HMCN2: variants seen among roughly 807,000 people sequenced by gnomAD.
The protein encoded by HMCN2 is hemicentin 2.
HMCN2 carries 325 observed loss-of-function variants against 377.5 expected under a neutral mutation model. The ratio of observed to expected loss-of-function variants is 0.86; its 90% CI spans 0.79 to 0.94. HMCN2 has a LOEUF of 0.94. HMCN2 is among the 40% of genes least tolerant of loss of function. The pLI is 0.00. For missense variants in HMCN2, 4,543 were observed against 4,725.3 expected (o/e 0.96, Z 1.13); for synonymous variants, 2,007 against 2,046.8 (o/e 0.98, Z 0.53).
At chr9:130,405,630 G>A (rs1312658081) in intron 81 of HMCN2, among the ~76,000 whole-genome samples, 2 of 152,196 alleles carry the variant, frequency 1.3e-5, no homozygotes, top group African/African-American at 4.8e-5. Context: ...CCCCTGTTGG[G>A]CCCTCTATCA....
In HMCN2 at chr9:130,394,028, G is replaced by A. The variant is rs371431243; in HGVS notation, c.10501+20G>A. The A allele has an allele frequency of 9.6e-5, 117 of 1,217,056 alleles. No individual in the cohort carries two copies. In the African/African-American group the frequency reaches 1.6e-3, roughly 17 times the overall value. The allele number at this position is 1,217,056 out of a possible 1,614,324, so 75.4% of individuals were successfully genotyped here. A position where few individuals can be genotyped will look rare whatever the true frequency, so the allele number is the denominator to read the frequency against. ...TCATGGGTGGGTCCTCTGGCCTCTG[G>A]CCAGCTTCTCTGGGCTCGGGGGAGA... On this transcript the variant is annotated intron_variant, in intron 68 of 97. Coordinates refer to ENST00000683500, the MANE Select transcript of HMCN2 (RefSeq NM_001291815.2). The surrounding 1 kb of genome is among the most constrained non-coding windows in gnomAD (Gnocchi z 5.1).
Position 130,425,072 on chromosome 9 carries a change from A to T in HMCN2, c.13583A>T (p.Asp4528Val). 1 of 1,550,056 alleles carries T rather than the reference A, an allele frequency of 6.5e-7. No homozygotes were observed. Among genetic ancestry groups the T allele is most frequent in the Non-Finnish European group, 8.7e-7 (1 of 1,146,854 alleles). Residue 4528 changes from aspartate (D) to valine (V), a missense_variant, in exon 89 of 98, where the codon GAC (aspartate) becomes GTC (valine). Around this residue, in one of 5 missense-constraint regions of HMCN2, gnomAD observed 1,155 missense variants for 1,157.7 expected, o/e 1.00. Coordinates refer to ENST00000683500, the MANE Select transcript of HMCN2 (RefSeq NM_001291815.2). ...GATCCCGATGGCCTCCTGCTCCTCG[A>T]CGTGGTGGTCAATGGCGTTGTCCCC... ...GLDPDGLLLL[D>V]VVVNGVVPES...
At chr9:130,366,271 C>T (rs79159015) in intron 43 of HMCN2, among the ~76,000 whole-genome samples, 2,117 of 152,158 alleles carry the variant, frequency 0.014, 57 homozygotes, top group African/African-American at 0.049. Context: ...GAAGCCCTCC[C>T]TGACTGCCAG....
intron 89 of HMCN2, 96 bp from the exon 90 acceptor site, chr9:130,425,591 T>C (rs1299096655): frequency 4.4e-6 from 4 of 906,510 alleles, no homozygotes; most frequent in Non-Finnish European, 6.9e-6. Context: ...TGCTTGGGAG[T>C]TGAAATCTCA....
rs1840605325 is a variant in HMCN2, at chr9:130,364,834, G to A, written c.6353G>A (p.Arg2118Gln). 3 of 986,026 alleles carry A rather than the reference G, an allele frequency of 3.0e-6. No homozygotes were observed. The highest frequency in any genetic ancestry group is 1.7e-5 in the African/African-American group (1 of 57,368). The allele number at this position is 986,026 out of a possible 1,614,324, so 61.1% of individuals were successfully genotyped here. The change falls in exon 41 of 98, where the codon CGG becomes CAG. Residue 2118 changes from arginine (R) to glutamine (Q), a missense_variant. Coordinates refer to ENST00000683500, the MANE Select transcript of HMCN2 (RefSeq NM_001291815.2). ...GTGCTGAGCTGGTGGAAGGACGGGC[G>A]GCCCCTGGAACCACGGCCTGGAGTC... ...PPVLSWWKDG[R>Q]PLEPRPGVHL...
At chr9:130,342,786 G>A (rs1839128290) in intron 25 of HMCN2, among the ~76,000 whole-genome samples, 1 of 152,120 alleles carries the variant, frequency 6.6e-6, no homozygotes, top group South Asian at 2.1e-4. Context: ...GTCCTTGTGG[G>A]TTGGGGCTTC....
Position 130,375,997 on chromosome 9 carries a change from G to C in HMCN2, c.7918+8G>C, listed in dbSNP as rs1045494352. On this transcript the variant is annotated splice_region_variant and intron_variant, in intron 51 of 97. Transcript: ENST00000683500. ...ACCATGTGGAAGTGCTCAGTGAGTC[G>C]GGGACCCTGGGGCACAGCCGGGTGG... 4 of 982,510 alleles carry C rather than the reference G, an allele frequency of 4.1e-6. No homozygotes were observed. The Admixed American group carries it at 2.5e-4, about 60-fold the overall frequency. The allele number at this position is 982,510 out of a possible 1,614,324, so 60.9% of individuals were successfully genotyped here.
chr9:130,425,165 T>C (rs890784455), intron 89 of HMCN2, 35 bp downstream of exon 89: 111 of 1,504,260 alleles, frequency 7.4e-5, no homozygotes, highest in Non-Finnish European at 9.5e-5. Context: ...GCAGACAGGG[T>C]AGGTGAGAGA....
chr9:130,382,644 T>G, intron 55 of HMCN2, 35 bp from the exon 56 acceptor site: 17 of 653,936 alleles, frequency 2.6e-5, no homozygotes, highest in Non-Finnish European at 3.2e-5. Context: ...CAGGGACCTG[T>G]GCCAGCCCCT....
rs1156233591 is a variant in HMCN2, at chr9:130,364,889, G to A, written c.6408G>A (p.Gln2136=). ...TCTCCGCAGACAAAGCCTTGCTGCA[G>A]GTGTGCAGGCCCCTGGCCAGCCAAG... is the stretch of plus-strand genomic sequence containing the variant. The part of the protein sequence containing the change: ...VHLSADKALL[Q]VDRADVWDAG... Residue 2136 remains glutamine, a splice_region_variant and synonymous_variant, in exon 41 of 98, where the codon CAG becomes CAA. Transcript: ENST00000683500. 11 of 985,762 alleles carry A rather than the reference G, an allele frequency of 1.1e-5. No homozygotes were observed. Among genetic ancestry groups the A allele is most frequent in the African/African-American group, 1.7e-5 (1 of 57,252 alleles). 61.1% of individuals were successfully genotyped at this position (985,762 alleles called of 1,614,324 possible). A position where few individuals can be genotyped will look rare whatever the true frequency, so the allele number is the denominator to read the frequency against.
At position 130,308,580 on chromosome 9, in the gene HMCN2, GAGAA is replaced by G. The variant is rs1470365413; in HGVS notation, c.2200+1017_2200+1020del. Among the ~76,000 whole-genome samples, 2 of 152,170 alleles carry G rather than the reference GAGAA, an allele frequency of 1.3e-5. No homozygotes were observed. Among genetic ancestry groups the G allele is most frequent in the African/African-American group, 4.8e-5 (2 of 41,434 alleles). ...CTCATCAGAGCCTCACCCTGACTCT[GAGAA>G]AGGCAGGGCAGGTGATATTAGCTCA... is the stretch of plus-strand genomic sequence containing the variant. On this transcript the variant is annotated intron_variant, in intron 14 of 97. Coordinates refer to ENST00000683500, the MANE Select transcript of HMCN2 (RefSeq NM_001291815.2). This position sits in a 1 kb window ranked among gnomAD's most constrained non-coding sequence, Gnocchi z 4.1.
rs1281467103 is a variant in HMCN2 at position 130,353,138 on chromosome 9, C to T, written c.4797C>T (p.Gly1599=). 10 of 1,303,998 alleles carry T rather than the reference C, an allele frequency of 7.7e-6. No homozygotes were observed. The highest frequency in any genetic ancestry group is 6.9e-5 in the Admixed American group (3 of 43,534). 80.8% of individuals were successfully genotyped at this position (1,303,998 alleles called of 1,614,324 possible). A position where few individuals can be genotyped will look rare whatever the true frequency, so the allele number is the denominator to read the frequency against. ...GGAGGGCCCAGAGCTCCGATGCCGG[C>T]GTCTACACCTGCAAGGCCAGCAATG... ...QLGRAQSSDA[G]VYTCKASNAV... The change falls in exon 31 of 98, where the codon GGC becomes GGT. Residue 1599 remains glycine, a synonymous_variant. Coordinates refer to ENST00000683500, the MANE Select transcript of HMCN2 (RefSeq NM_001291815.2).
chr9:130,322,508 A>G (rs1410445471), intron 19 of HMCN2, among the ~76,000 whole-genome samples: 3 of 152,082 alleles, frequency 2.0e-5, no homozygotes, highest in Non-Finnish European at 4.4e-5. Flanking sequence ...TTTTCTGTCA[A>G]TTAAGATTCA....
intron 85 of HMCN2, among the ~76,000 whole-genome samples, chr9:130,417,350 C>T (rs993727053): frequency 7.3e-5 from 11 of 151,608 alleles, no homozygotes; most frequent in African/African-American, 2.4e-4. Flanking sequence ...GGCAAAACCC[C>T]GTCTCTACCA....
At position 130,433,706 on chromosome 9, in the gene HMCN2, A is replaced by G; in HGVS notation, c.*13A>G. ...CTACCCCTACTAAACGGGAGAGGGC[A>G]TTGGCGGCCGCCCTGGCGTGACCCC... On this transcript the variant is annotated 3_prime_UTR_variant, in exon 98 of 98. Coordinates refer to ENST00000683500, the MANE Select transcript of HMCN2 (RefSeq NM_001291815.2). 2 of 1,453,564 alleles carry G rather than the reference A, an allele frequency of 1.4e-6. No individual in the cohort carries two copies. The highest frequency in any genetic ancestry group is 9.0e-7 in the Non-Finnish European group (1 of 1,105,152). The allele number at this position is 1,453,564 out of a possible 1,614,324, so 90.0% of individuals were successfully genotyped here.
intron 11 of HMCN2, 67 bp from the exon 12 acceptor site, chr9:130,306,062 G>A (rs1008491053): frequency 1.3e-5 from 6 of 454,366 alleles, no homozygotes; most frequent in East Asian, 1.4e-4. Context: ...AGCCCGGGGC[G>A]GGGTGCCTGG....
chr9:130,408,754 C>T lies in HMCN2; in HGVS notation c.12700C>T (p.Leu4234=), dbSNP rs1232256499. The T allele has an allele frequency of 3.1e-5, 40 of 1,288,976 alleles. No homozygotes were observed. The highest frequency in any genetic ancestry group is 3.8e-5 in the Non-Finnish European group (38 of 988,434). 79.8% of individuals were successfully genotyped at this position (1,288,976 alleles called of 1,614,324 possible). A position where few individuals can be genotyped will look rare whatever the true frequency, so the allele number is the denominator to read the frequency against. The change falls in exon 84 of 98, where the codon CTA becomes TTA. Residue 4234 remains leucine (L), a synonymous_variant. Transcript: ENST00000683500. ...GTCACCCCATGCAGAGGCTCCTGTC[C>T]TACAAGGGGAGGCTTTCTCCTACCT... ...SFVHVKEAPV[L]QGEAFSYLVE...
rs1040906924 is a variant in HMCN2, at chr9:130,362,093, T to C, written c.6036T>C (p.Gly2012=). 8.1e-6 allele frequency: 8 copies of C among 985,924 alleles called. No homozygotes were observed. The highest frequency in any genetic ancestry group is 1.7e-5 in the African/African-American group (1 of 57,264). The allele number at this position is 985,924 out of a possible 1,614,324, so 61.1% of individuals were successfully genotyped here. ...TCCGGCTGACCTGCAATGCCACCGGTGCCCCCAGCCCCACACTGATGTGGC... is the reference window on the plus strand; with the variant it reads ...TCCGGCTGACCTGCAATGCCACCGGCGCCCCCAGCCCCACACTGATGTGGC... ...TPVRLTCNAT[G]APSPTLMWLK... is the part of the protein sequence containing the mutation. The change falls in exon 39 of 98, where the codon GGT becomes GGC. Residue 2012 remains glycine (G), a synonymous_variant. Transcript: ENST00000683500.
chr9:130,395,093 C>T lies in HMCN2; in HGVS notation c.10759C>T (p.Arg3587Trp), dbSNP rs899537628. The change falls in exon 70 of 98, where the codon CGG becomes TGG. Residue 3587 changes from arginine (R) to tryptophan (W), a missense_variant. By Grantham distance (101) the Arg-to-Trp change is moderately radical (BLOSUM62 -3). Coordinates refer to ENST00000683500, the MANE Select transcript of HMCN2 (RefSeq NM_001291815.2). Reference sequence around the variant, plus strand: ...TGCAGGTGCAATTGAGAAGAGCTTCCGGGTCAGGGTTCAAGGTAGGTGGTG... The same window carrying T: ...TGCAGGTGCAATTGAGAAGAGCTTCTGGGTCAGGGTTCAAGGTAGGTGGTG... ...SPAGAIEKSF[R>W]VRVQAPPNIV... 1.7e-5 allele frequency: 13 copies of T among 778,890 alleles called. No individual in the cohort carries two copies. Among genetic ancestry groups the T allele is most frequent in the Admixed American group, 6.6e-5 (2 of 30,510 alleles). 48.2% of individuals were successfully genotyped at this position (778,890 alleles called of 1,614,324 possible).
Sources: gnomAD v4.1 joint callset for allele counts (sites outside exome capture counted in the v4.1 genomes callset) on GRCh38, gnomAD v4.1.1 for gene constraint, gnomAD v4.1.1 regional missense constraint, Gnocchi (gnomAD v3.1) non-coding constraint, MANE v1.5 for transcripts, NCBI Gene and HGNC (gene_info 2026-07-23, HGNC 2026-07-21) for gene names.